The following MEFV variants were observed in gnomAD, a reference collection of about 807,000 sequenced individuals.
MEFV encodes the protein pyrin.
Under a neutral mutation model 62.5 loss-of-function variants are expected in MEFV, and 60 were observed. That is an observed-to-expected ratio of 0.96 (90% CI 0.78 to 1.19). MEFV has a LOEUF of 1.19. Ranked by LOEUF, MEFV falls within the 50% of genes most tolerant of loss-of-function variation. The pLI, the probability that MEFV is intolerant of heterozygous loss-of-function variation, is 0.00. For synonymous variants in MEFV, 500 were observed against 415.2 expected, an observed-to-expected ratio of 1.20 and a Z score of -2.48; for missense variants, 1,169 against 1,004.5, an observed-to-expected ratio of 1.16 and a Z score of -2.21.
At position 3,243,496 on chromosome 16, in the gene MEFV, G is replaced by A. The variant is rs2141664988; in HGVS notation, c.1991C>T (p.Ala664Val). ...TGTCTTGCAGGCTCCCAGGATCCATGCTGTCTTGTCTCCAACCTCCACCTC... is the reference window on the plus strand; with the variant it reads ...TGTCTTGCAGGCTCCCAGGATCCATACTGTCTTGTCTCCAACCTCCACCTC... Reference protein sequence around the residue: ...YWEVEVGDKTAWILGACKTSI... With the variant: ...YWEVEVGDKTVWILGACKTSI... Residue 664 changes from alanine (A) to valine (V), a missense_variant, in exon 10 of 10, where the codon GCA (alanine) becomes GTA (valine). Coordinates refer to ENST00000219596, the MANE Select transcript of MEFV (RefSeq NM_000243.3). The A allele has an allele frequency of 6.2e-7, 1 of 1,614,062 alleles. No individual in the cohort carries two copies. The highest frequency in any genetic ancestry group is 1.7e-5 in the Admixed American group (1 of 59,994).
intron 4 of MEFV, 113 bp downstream of exon 4, chr16:3,248,796 G>A: frequency 1.3e-6 from 2 of 1,597,666 alleles, no homozygotes; most frequent in South Asian, 2.2e-5. Context: ...CCCCTGAGAG[G>A]AGGTGGCCAT....
At chr16:3,252,411 G>C (rs561747272) in intron 2 of MEFV, among the ~76,000 whole-genome samples, 38 of 151,930 alleles carry the variant, frequency 2.5e-4, no homozygotes, top group Non-Finnish European at 4.6e-4. Context: ...GAGTAGCTGG[G>C]ATTATGGACA....
At chr16:3,253,366 C>G (rs1158504657) in intron 2 of MEFV, among the ~76,000 whole-genome samples, 2 of 152,142 alleles carry the variant, frequency 1.3e-5, no homozygotes, top group African/African-American at 2.4e-5. Flanking sequence ...TTACCTATCT[C>G]CCTTCCCCTC....
rs747665992 is a variant in MEFV, at chr16:3,249,473, G to A, written c.1218C>T (p.Gly406=). 1.9e-6 allele frequency: 3 copies of A among 1,614,094 alleles called. No individual in the cohort carries two copies. The East Asian group carries it at 6.7e-5, about 36-fold the overall frequency. ...LICSLSQEHQ[G]HRVRPIEEVA... is the part of the protein sequence containing the mutation. ...CCTCCTCAATGGGGCGCACCCGGTG[G>A]CCTTGGTGCTCCTGACTCAGACTGC... The change falls in exon 3 of 10, where the codon GGC becomes GGT. Residue 406 remains glycine, a synonymous_variant. Coordinates refer to ENST00000219596, the MANE Select transcript of MEFV (RefSeq NM_000243.3).
In MEFV at chr16:3,249,635, G is replaced by A. The variant is rs104895164; in HGVS notation, c.1056C>T (p.Cys352=). ...PQASGSRSPG[C]PRCQDSHERK... ...TTTCATGGGAGTCCTGGCACCGGGG[G>A]CAGCCAGGTGAGCGGCTGCCTGAGG... Residue 352 remains cysteine (C), a synonymous_variant, in exon 3 of 10, where the codon TGC becomes TGT. Transcript: ENST00000219596. 18 of 1,613,782 alleles carry A rather than the reference G, an allele frequency of 1.1e-5. No individual in the cohort carries two copies. Among genetic ancestry groups the A allele is most frequent in the Admixed American group, 1.0e-4 (6 of 59,978 alleles).
In MEFV at chr16:3,256,548, C is replaced by G; in HGVS notation, c.40G>C (p.Glu14Gln). 1 of 1,614,170 alleles carries G rather than the reference C, an allele frequency of 6.2e-7. No homozygotes were observed. Among genetic ancestry groups the G allele is most frequent in the Non-Finnish European group, 8.5e-7 (1 of 1,180,028 alleles). Residue 14 changes from glutamate (E) to glutamine (Q), a missense_variant, in exon 1 of 10, where the codon GAG becomes CAG. By Grantham distance (29) the Glu-to-Gln change is conservative. Coordinates refer to ENST00000219596, the MANE Select transcript of MEFV (RefSeq NM_000243.3). Reference sequence around the variant, plus strand: ...TCGAAGTCATAGGGCACCAGCTCCTCCAGGGTGGACAGCAGATGGTCACTA... The same window carrying G: ...TCGAAGTCATAGGGCACCAGCTCCTGCAGGGTGGACAGCAGATGGTCACTA... ...TPSDHLLSTL[E>Q]ELVPYDFEKF... is the part of the protein sequence containing the mutation.
intron 1 of MEFV, 141 bp downstream of exon 1, chr16:3,256,170 G>C: frequency 9.9e-7 from 1 of 1,011,900 alleles, no homozygotes. Context: ...GGACGTTCCT[G>C]AACTAAAGTC....
chr16:3,249,632 G>C lies in MEFV; in HGVS notation c.1059C>G (p.Pro353=). ...QASGSRSPGC[P]RCQDSHERKS... ...TCCTTTCATGGGAGTCCTGGCACCG[G>C]GGGCAGCCAGGTGAGCGGCTGCCTG... is the stretch of plus-strand genomic sequence containing the variant. The change falls in exon 3 of 10, where the codon CCC becomes CCG. Residue 353 remains proline (P), a synonymous_variant. Coordinates refer to ENST00000219596, the MANE Select transcript of MEFV (RefSeq NM_000243.3). 2 of 1,613,940 alleles carry C rather than the reference G, an allele frequency of 1.2e-6. No homozygotes were observed. Among genetic ancestry groups the C allele is most frequent in the Non-Finnish European group, 1.7e-6 (2 of 1,179,904 alleles).
Position 3,254,551 on chromosome 16 carries a change from C to T in MEFV, c.517G>A (p.Gly173Ser). Reference sequence around the variant, plus strand: ...GCCGGGCTCCGGGTCCGAGGCTTGCCCTGCGCGTCCAGGCCCTCCGAGGCC... The same window carrying T: ...GCCGGGCTCCGGGTCCGAGGCTTGCTCTGCGCGTCCAGGCCCTCCGAGGCC... ...EKASEGLDAQ[G>S]KPRTRSPALP... is the part of the protein sequence containing the mutation. The change falls in exon 2 of 10, where the codon GGC becomes AGC. Residue 173 changes from glycine to serine, a missense_variant. Coordinates refer to ENST00000219596, the MANE Select transcript of MEFV (RefSeq NM_000243.3). The T allele has an allele frequency of 6.4e-7, 1 of 1,558,902 alleles. No individual in the cohort carries two copies. Among genetic ancestry groups the T allele is most frequent in the African/African-American group, 1.4e-5 (1 of 73,878 alleles).
Position 3,244,541 on chromosome 16 carries a change from A to C in MEFV, c.1658T>G (p.Ile553Arg). ...GTGGAGGAGTTGGATCTTTTGTTTT[A>C]TCTCTTGAGGAGTGGTCCACTTTTC... Reference protein sequence around the residue: ...VPEKWTTPQEIKQKIQLLHQK... With the variant: ...VPEKWTTPQERKQKIQLLHQK... The change falls in exon 7 of 10, where the codon ATA becomes AGA. Residue 553 changes from isoleucine (I) to arginine (R), a missense_variant. Transcript: ENST00000219596. The C allele has an allele frequency of 6.2e-7, 1 of 1,614,144 alleles. No homozygotes were observed.
intron 4 of MEFV, 24 bp downstream of exon 4, chr16:3,248,885 G>A (rs1213434215): frequency 6.2e-7 from 1 of 1,613,008 alleles, no homozygotes; most frequent in Non-Finnish European, 8.5e-7. Flanking sequence ...GGACGGATGG[G>A]CCATCAGCCA....
At chr16:3,251,023 C>CAAAAAAAAA (rs58529756) in intron 2 of MEFV, among the ~76,000 whole-genome samples, 1 of 49,378 alleles carries the variant, frequency 2.0e-5, no homozygotes, top group Admixed American at 2.3e-4. Flanking sequence ...GACTCCATCT[C>CAAAAAAAAA]AAAAAAAAAA....
Position 3,249,541 on chromosome 16 carries a change from G to C in MEFV, c.1150C>G (p.Leu384Val). 6.2e-7 allele frequency: 1 copy of C among 1,614,230 alleles called. No homozygotes were observed. Residue 384 changes from leucine (L) to valine (V), a missense_variant, in exon 3 of 10, where the codon CTG becomes GTG. By Grantham distance (32) the Leu-to-Val change is conservative. Transcript: ENST00000219596. ...TCATCGTGATCCTCACAGAAGAGCAGCTGGACCTGCTTCAGGTGGCGCTTA... is the reference window on the plus strand; with the variant it reads ...TCATCGTGATCCTCACAGAAGAGCACCTGGACCTGCTTCAGGTGGCGCTTA... ...QCKRHLKQVQ[L>V]LFCEDHDEPI...
Position 3,256,425 on chromosome 16 carries a change from T to G in MEFV, c.163A>C (p.Thr55Pro). The G allele has an allele frequency of 1.2e-6, 2 of 1,614,014 alleles. No individual in the cohort carries two copies. Among genetic ancestry groups the G allele is most frequent in the Non-Finnish European group, 1.7e-6 (2 of 1,179,980 alleles). ...IQRARPVKMA[T>P]LLVTYYGEEY... is the part of the protein sequence containing the mutation. ...TCCCCATAGTAGGTGACCAGCAGAG[T>G]GGCCATCTTCACCGGCCTGGCTCTC... is the stretch of plus-strand genomic sequence containing the variant. The change falls in exon 1 of 10, where the codon ACT becomes CCT. Residue 55 changes from threonine to proline, a missense_variant. By Grantham distance (38) the Thr-to-Pro change is conservative. Coordinates refer to ENST00000219596, the MANE Select transcript of MEFV (RefSeq NM_000243.3).
At chr16:3,249,364 A>G in intron 3 of MEFV, 67 bp downstream of exon 3, 1 of 1,440,554 alleles carries the variant, frequency 6.9e-7, no homozygotes. Context: ...GTTGTTGGGA[A>G]AATGAAGTAA....
chr16:3,243,903 A>G lies in MEFV; in HGVS notation c.1760-11T>C. On this transcript the variant is annotated splice_polypyrimidine_tract_variant and intron_variant, in intron 8 of 9. Transcript: ENST00000219596. ...CAATCAGCTCCGGAACTACGGAGAA[A>G]AATCAGATAGGGAAAAAAATCCTGA... 6.2e-7 allele frequency: 1 copy of G among 1,613,964 alleles called. No homozygotes were observed. The highest frequency in any genetic ancestry group is 1.1e-5 in the South Asian group (1 of 91,074).
In MEFV at chr16:3,242,757, G is replaced by A. The variant is rs1271023257; in HGVS notation, c.*384C>T. Reference sequence around the variant, plus strand: ...ATCCAGTCTGCTTGCGTTTCTCTAGGCTTCCCATATCCTCAAGACAGAAGC... The same window carrying A: ...ATCCAGTCTGCTTGCGTTTCTCTAGACTTCCCATATCCTCAAGACAGAAGC... On this transcript the variant is annotated 3_prime_UTR_variant, in exon 10 of 10. Transcript: ENST00000219596. The A allele has an allele frequency of 2.6e-5, 8 of 304,452 alleles. No individual in the cohort carries two copies. The East Asian group carries it at 5.8e-4, about 22-fold the overall frequency. 18.9% of individuals were successfully genotyped at this position (304,452 alleles called of 1,614,324 possible).
At chr16:3,256,189 T>A (rs1165777591) in intron 1 of MEFV, 122 bp downstream of exon 1, 26 of 1,187,616 alleles carry the variant, frequency 2.2e-5, no homozygotes, top group Non-Finnish European at 3.0e-5. Context: ...TCATCTGGAT[T>A]TTGGTAGACC....
rs754679070 is a variant in MEFV at position 3,256,520 on chromosome 16, T to C, written c.68A>G (p.Lys23Arg). 4 of 1,614,072 alleles carry C rather than the reference T, an allele frequency of 2.5e-6. No individual in the cohort carries two copies. The highest frequency in any genetic ancestry group is 1.7e-5 in the Admixed American group (1 of 59,996). ...LEELVPYDFE[K>R]FKFKLQNTSV... The stretch of plus-strand genomic sequence containing the variant: ...GGTGTTCTGCAGCTTGAACTTGAAC[T>C]TCTCGAAGTCATAGGGCACCAGCTC... Residue 23 changes from lysine (K) to arginine (R), a missense_variant, in exon 1 of 10, where the codon AAG becomes AGG. Lys to Arg is a conservative substitution (Grantham distance 26). Coordinates refer to ENST00000219596, the MANE Select transcript of MEFV (RefSeq NM_000243.3).
Sources: allele counts gnomAD v4.1 joint callset (sites outside exome capture counted in the v4.1 genomes callset), GRCh38; gene constraint gnomAD v4.1.1; transcripts MANE v1.5; gene names NCBI Gene and HGNC (gene_info 2026-07-23, HGNC 2026-07-21).